Variants in IFIH1 observed in about 807,000 individuals in gnomAD.
The protein encoded by IFIH1 is interferon-induced helicase C domain-containing protein 1.
IFIH1 carries 125 observed loss-of-function variants against 107.4 expected under a neutral mutation model. That is an observed-to-expected ratio of 1.16 (90% confidence interval 1.01 to 1.35). The LOEUF is 1.35. IFIH1 is among the 40% of genes most tolerant of loss of function. The probability of loss-of-function intolerance (pLI) is 0.00; values close to 1 mark genes in which losing one functional copy is unlikely to be tolerated. For synonymous variants in IFIH1, 458 were observed against 413.2 expected (o/e 1.11, Z -1.31); for missense variants, 1,333 against 1,213.7 (o/e 1.10, Z -1.46).
chr2:162,296,404 T>C (rs1683085295), intron 3 of IFIH1, among the ~76,000 whole-genome samples: 1 of 152,142 alleles, frequency 6.6e-6, no homozygotes, highest in East Asian at 1.9e-4. Context: ...TTTTAATCTC[T>C]CAACATTCTG....
chr2:162,276,542 G>C lies in IFIH1; in HGVS notation c.2304+145C>G, dbSNP rs140041148. 836 of 851,060 alleles carry C rather than the reference G, an allele frequency of 9.8e-4. 4 individuals are homozygous for C. In the African/African-American group the frequency reaches 0.013, roughly 13 times the overall value. 52.7% of individuals were successfully genotyped at this position (851,060 alleles called of 1,614,324 possible). A position where few individuals can be genotyped will look rare whatever the true frequency, so the allele number is the denominator to read the frequency against. On this transcript the variant is annotated intron_variant, in intron 11 of 15. Transcript: ENST00000649979. ...ATTGCTTGAGCCTAGGAGGTCAAGG[G>C]TGCAGTGAATCTTGATCATGCCACT...
Position 162,309,482 on chromosome 2 carries a change from T to C in IFIH1, c.622+1283A>G, listed in dbSNP as rs547768871. Among the ~76,000 whole-genome samples the C allele has an allele frequency of 2.6e-4, 39 of 152,332 alleles. No homozygotes were observed. The South Asian group carries it at 7.3e-3, about 28-fold the overall frequency. ...AGAATAGTACACATTCACAGCCAAA[T>C]AGCTCTATGGTCTGGTTCTGTAGAA... On this transcript the variant is annotated intron_variant, in intron 2 of 15. Coordinates refer to ENST00000649979, the MANE Select transcript of IFIH1 (RefSeq NM_022168.4).
chr2:162,273,855 A>G lies in IFIH1; in HGVS notation c.2394T>C (p.Ile798=). The G allele has an allele frequency of 6.2e-7, 1 of 1,611,482 alleles. No homozygotes were observed. Among genetic ancestry groups the G allele is most frequent in the South Asian group, 1.1e-5 (1 of 90,792 alleles). The change falls in exon 12 of 16, where the codon ATT becomes ATC. Residue 798 remains isoleucine, a synonymous_variant. Coordinates refer to ENST00000649979, the MANE Select transcript of IFIH1 (RefSeq NM_022168.4). ...AACGGATAACAATGTTACATTCTTT[A>G]ATATCCAGACCTTCTTCTGCCACTG... ...ATTVAEEGLD[I]KECNIVIRYG...
Position 162,298,644 on chromosome 2 carries a change from G to T in IFIH1, c.770-4976C>A, listed in dbSNP as rs995666314. Among the ~76,000 whole-genome samples, 13 of 151,906 alleles carry T rather than the reference G, an allele frequency of 8.6e-5. 1 individual carries two copies. Among genetic ancestry groups the T allele is most frequent in the African/African-American group, 3.1e-4 (13 of 41,344 alleles). ...TGGGCACACACACAAAGACTGCATG[G>T]GCTTCTCAAGTGGGCTTACACTCAT... On this transcript the variant is annotated intron_variant, in intron 3 of 15. Coordinates refer to ENST00000649979, the MANE Select transcript of IFIH1 (RefSeq NM_022168.4).
intron 3 of IFIH1, among the ~76,000 whole-genome samples, chr2:162,305,459 A>G (rs948843978): frequency 6.6e-6 from 1 of 152,028 alleles, no homozygotes; most frequent in African/African-American, 2.4e-5. Context: ...AATCCCAGCT[A>G]CTTGGGAGGC....
At position 162,272,386 on chromosome 2, in the gene IFIH1, G is replaced by T. The variant is rs200810568; in HGVS notation, c.2456C>A (p.Ala819Asp). The change falls in exon 13 of 16, where the codon GCC becomes GAC. Residue 819 changes from alanine to aspartate, a missense_variant and splice_region_variant. By Grantham distance (126) the Ala-to-Asp change is moderately radical. Coordinates refer to ENST00000649979, the MANE Select transcript of IFIH1 (RefSeq NM_022168.4). ...LVTNEIAMVQ[A>D]RGRARADEST... ...CTCATCAGCTCTGGCTCGACCACGG[G>T]CCTGAAAACACAAATAAATCAAGTA... The T allele has an allele frequency of 2.7e-5, 44 of 1,609,904 alleles. No individual in the cohort carries two copies. The highest frequency in any genetic ancestry group is 3.2e-5 in the Non-Finnish European group (38 of 1,178,450).
At chr2:162,294,735 GTTC>G (rs1683054586) in intron 3 of IFIH1, among the ~76,000 whole-genome samples, 1 of 151,688 alleles carries the variant, frequency 6.6e-6, no homozygotes, top group Non-Finnish European at 1.5e-5. Flanking sequence ...ATTAGATAAT[GTTC>G]TTCTTTTAAT....
At position 162,288,131 on chromosome 2, in the gene IFIH1, A is replaced by T. The variant is rs1682928907; in HGVS notation, c.1095+4T>A. 4.4e-6 allele frequency: 7 copies of T among 1,583,550 alleles called. No homozygotes were observed. The highest frequency in any genetic ancestry group is 5.2e-6 in the Non-Finnish European group (6 of 1,154,468). On this transcript the variant is annotated splice_donor_region_variant and intron_variant, in intron 5 of 15. Coordinates refer to ENST00000649979, the MANE Select transcript of IFIH1 (RefSeq NM_022168.4). ...TCAACTAGTGTTATGTGTTCTTTGA[A>T]TACCTTATTGACAAGAACTATAACT...
At chr2:162,313,728 G>T (rs747067438) in intron 1 of IFIH1, among the ~76,000 whole-genome samples, 1 of 151,998 alleles carries the variant, frequency 6.6e-6, no homozygotes, top group African/African-American at 2.4e-5. Context: ...TGTTAAAAAA[G>T]AATTTTAAAG....
Position 162,293,772 on chromosome 2 carries a change from T to G in IFIH1, c.770-104A>C, listed in dbSNP as rs12474958. ...CACAGTACATACAGTTCAATTCAAGTGGGGAAGGCACACCCAGACAATTAT... is the reference window on the plus strand; with the variant it reads ...CACAGTACATACAGTTCAATTCAAGGGGGGAAGGCACACCCAGACAATTAT... On this transcript the variant is annotated intron_variant, in intron 3 of 15. Coordinates refer to ENST00000649979, the MANE Select transcript of IFIH1 (RefSeq NM_022168.4). 0.022 allele frequency: 13,960 copies of G among 631,586 alleles called. 1,125 individuals carry two copies. In the Admixed American group the frequency reaches 0.24, roughly 11 times the overall value. The allele number at this position is 631,586 out of a possible 1,614,324, so 39.1% of individuals were successfully genotyped here. A position where few individuals can be genotyped will look rare whatever the true frequency, so the allele number is the denominator to read the frequency against.
chr2:162,284,459 G>C (rs1682863750), intron 5 of IFIH1, among the ~76,000 whole-genome samples: 1 of 151,944 alleles, frequency 6.6e-6, no homozygotes, highest in Non-Finnish European at 1.5e-5. Context: ...AAATGAAATA[G>C]AGGATGCTGT....
At chr2:162,314,893 G>A (rs916850553) in intron 1 of IFIH1, among the ~76,000 whole-genome samples, 1 of 152,094 alleles carries the variant, frequency 6.6e-6, no homozygotes, top group African/African-American at 2.4e-5. Flanking sequence ...CACTAGCATG[G>A]CATCCGGCAC....
chr2:162,286,105 T>C (rs1682888999), intron 5 of IFIH1, among the ~76,000 whole-genome samples: 2 of 151,846 alleles, frequency 1.3e-5, no homozygotes, highest in African/African-American at 2.4e-5. Flanking sequence ...CCCAGAAAAA[T>C]GTCTGAAGGA....
chr2:162,303,362 C>T (rs555003556), intron 3 of IFIH1, among the ~76,000 whole-genome samples: 2 of 152,240 alleles, frequency 1.3e-5, no homozygotes, highest in African/African-American at 2.4e-5. Context: ...GTGATCCACC[C>T]GCCTCGTCCT....
At chr2:162,290,148 G>A (rs930289097) in intron 4 of IFIH1, among the ~76,000 whole-genome samples, 1 of 151,692 alleles carries the variant, frequency 6.6e-6, no homozygotes, top group African/African-American at 2.4e-5. Context: ...TAAAATATAG[G>A]AATAAATCCT....
At chr2:162,305,324 C>T (rs1003525444) in intron 3 of IFIH1, among the ~76,000 whole-genome samples, 1 of 152,240 alleles carries the variant, frequency 6.6e-6, no homozygotes, top group South Asian at 2.1e-4. Context: ...AATCCCAGCA[C>T]TTTGGGAGGC....
At chr2:162,289,474 TAAG>T (rs1156668700) in intron 4 of IFIH1, among the ~76,000 whole-genome samples, 5 of 151,812 alleles carry the variant, frequency 3.3e-5, no homozygotes, top group African/African-American at 7.2e-5. Flanking sequence ...ACTTATATAA[TAAG>T]AAGAAAAAAT....
chr2:162,293,708 C>T, intron 3 of IFIH1, 40 bp from the exon 4 acceptor site: 1 of 1,382,162 alleles, frequency 7.2e-7, no homozygotes, highest in South Asian at 1.2e-5. Context: ...TAAAATATTT[C>T]TGAGAATAAA....
In IFIH1 at chr2:162,272,383, C is replaced by A. The variant is rs74162087; in HGVS notation, c.2459G>T (p.Arg820Leu). ...GCTCTCATCAGCTCTGGCTCGACCA[C>A]GGGCCTGAAAACACAAATAAATCAA... ...VTNEIAMVQA[R>L]GRARADESTY... Residue 820 changes from arginine to leucine, a missense_variant, in exon 13 of 16, where the codon CGT becomes CTT. Coordinates refer to ENST00000649979, the MANE Select transcript of IFIH1 (RefSeq NM_022168.4). 6.2e-7 allele frequency: 1 copy of A among 1,611,500 alleles called. No homozygotes were observed. Among genetic ancestry groups the A allele is most frequent in the East Asian group, 2.2e-5 (1 of 44,846 alleles).
Sources: allele counts gnomAD v4.1 joint callset (sites outside exome capture counted in the v4.1 genomes callset), GRCh38; gene constraint gnomAD v4.1.1; transcripts MANE v1.5; gene names NCBI Gene and HGNC (gene_info 2026-07-23, HGNC 2026-07-21).